ROR1: variants seen among roughly 807,000 people sequenced by gnomAD.
ROR1 encodes inactive tyrosine-protein kinase transmembrane receptor ROR1.
In ROR1, 19 loss-of-function variants were observed where a neutral mutation model predicts 78.8. That is an observed-to-expected ratio of 0.24 (90% CI 0.17 to 0.35). The LOEUF (loss-of-function observed/expected upper bound fraction) is 0.35. Ranked by LOEUF, ROR1 falls within the 10% of genes least tolerant of loss-of-function variation. ROR1 has a pLI of 1.00. For missense variants in ROR1, 917 were observed against 1,177.8 expected (o/e 0.78, Z 3.24); for synonymous variants, 386 against 433.6 (o/e 0.89, Z 1.36).
At chr1:64,054,976 G>T (rs758041426) in intron 4 of ROR1, among the ~76,000 whole-genome samples, 19 of 152,110 alleles carry the variant, frequency 1.2e-4, no homozygotes, top group Non-Finnish European at 2.6e-4. Context: ...CTTCCTATAT[G>T]TGTAGCCCTT....
chr1:63,882,887 T>C (rs1447423713), intron 1 of ROR1, among the ~76,000 whole-genome samples: 1 of 151,824 alleles, frequency 6.6e-6, no homozygotes, highest in African/African-American at 2.4e-5. Flanking sequence ...GATATTTTGG[T>C]TGATGATTTT....
chr1:64,087,794 T>G (rs1242481137), intron 4 of ROR1, among the ~76,000 whole-genome samples: 1 of 152,236 alleles, frequency 6.6e-6, no homozygotes, highest in African/African-American at 2.4e-5. Flanking sequence ...CTTTTGGAAC[T>G]TTCATCAGTC....
chr1:63,960,644 T>A (rs957361399), intron 1 of ROR1, among the ~76,000 whole-genome samples: 1 of 152,206 alleles, frequency 6.6e-6, no homozygotes, highest in Non-Finnish European at 1.5e-5. Flanking sequence ...GCTTAAGTAA[T>A]TAACATTCCT....
chr1:63,937,587 C>G (rs747345830), intron 1 of ROR1, among the ~76,000 whole-genome samples: 4 of 152,064 alleles, frequency 2.6e-5, no homozygotes, highest in Non-Finnish European at 5.9e-5. Flanking sequence ...CTCTGGATAG[C>G]CATCTTGGGC....
intron 4 of ROR1, among the ~76,000 whole-genome samples, chr1:64,082,480 G>A (rs1219102199): frequency 1.3e-5 from 2 of 152,174 alleles, no homozygotes; most frequent in Non-Finnish European, 2.9e-5. Context: ...GTGGGGAAGA[G>A]GTTAGGCTTA....
At chr1:63,880,264 G>A (rs1174253460) in intron 1 of ROR1, among the ~76,000 whole-genome samples, 1 of 152,150 alleles carries the variant, frequency 6.6e-6, no homozygotes, top group Non-Finnish European at 1.5e-5. Context: ...AGAATGCCAA[G>A]GAATTAATAA....
intron 1 of ROR1, among the ~76,000 whole-genome samples, chr1:63,891,590 C>T (rs1355768900): frequency 6.6e-6 from 1 of 152,068 alleles, no homozygotes; most frequent in Non-Finnish European, 1.5e-5. Context: ...GTGAAGATTT[C>T]CAGAAGAAAT....
chr1:63,783,617 A>G (rs632015), intron 1 of ROR1, among the ~76,000 whole-genome samples: 13,216 of 152,226 alleles, frequency 0.087, 626 homozygotes, highest in Non-Finnish European at 0.11. Flanking sequence ...ACCATGCCCA[A>G]AGCAGAATCC....
At chr1:64,066,636 T>G (rs572196993) in intron 4 of ROR1, 1 of 152,412 alleles carries the variant, frequency 6.6e-6, no homozygotes, top group African/African-American at 2.4e-5. Flanking sequence ...TAAGCCACAT[T>G]TTTTAAAGGC....
chr1:63,897,973 GAC>G (rs1645453225), intron 1 of ROR1, among the ~76,000 whole-genome samples: 1 of 152,186 alleles, frequency 6.6e-6, no homozygotes, highest in Non-Finnish European at 1.5e-5. Context: ...CCAGCCAGGA[GAC>G]AGAGGAGAGG....
intron 1 of ROR1, among the ~76,000 whole-genome samples, chr1:63,940,216 A>G (rs1371449124): frequency 6.6e-6 from 1 of 152,080 alleles, no homozygotes; most frequent in Non-Finnish European, 1.5e-5. Flanking sequence ...GGGGTCCTCA[A>G]GTAAAAAGGC....
Position 64,092,705 on chromosome 1 carries a change from G to A in ROR1, c.482+41989G>A, listed in dbSNP as rs984852191. Among the ~76,000 whole-genome samples, 9 of 152,190 alleles carry A rather than the reference G, an allele frequency of 5.9e-5. 1 individual carries two copies. Among genetic ancestry groups the A allele is most frequent in the African/African-American group, 2.2e-4 (9 of 41,438 alleles). ...AACTACCAGACTGGATTATCTTTAA[G>A]GTGCCTTCCAGCATACCTGACTTCA... is the stretch of plus-strand genomic sequence containing the variant. On this transcript the variant is annotated intron_variant, in intron 4 of 8. Coordinates refer to ENST00000371079, the MANE Select transcript of ROR1 (RefSeq NM_005012.4).
chr1:63,958,706 C>T (rs1381937998), intron 1 of ROR1, among the ~76,000 whole-genome samples: 4 of 152,126 alleles, frequency 2.6e-5, no homozygotes, highest in African/African-American at 9.7e-5. Context: ...ACACCTATGT[C>T]CGTAGTATGT....
intron 1 of ROR1, among the ~76,000 whole-genome samples, chr1:63,903,015 C>G (rs1323096802): frequency 6.6e-6 from 1 of 152,124 alleles, no homozygotes; most frequent in African/African-American, 2.4e-5. Context: ...GCTCAGAAAC[C>G]CTACCTAGTC....
rs1037454221 is a variant in ROR1 at position 63,985,420 on chromosome 1, G to A, written c.92-23885G>A. On this transcript the variant is annotated intron_variant, in intron 1 of 8. Transcript: ENST00000371079. ...AGGAACCTAATCCAAATGTTAATTC[G>A]AATTTCCAAATCACCACCGATTGCC... Among the ~76,000 whole-genome samples, 8 of 152,030 alleles carry A rather than the reference G, an allele frequency of 5.3e-5. No homozygotes were observed. In the South Asian group the frequency reaches 1.5e-3, roughly 28 times the overall value.
intron 1 of ROR1, among the ~76,000 whole-genome samples, chr1:63,955,067 G>A (rs1645970278): frequency 6.6e-6 from 1 of 152,256 alleles, no homozygotes; most frequent in African/African-American, 2.4e-5. Context: ...ATTGGGTGGT[G>A]ACAAGCAAAG....
intron 4 of ROR1, among the ~76,000 whole-genome samples, chr1:64,093,925 A>G (rs1647231268): frequency 6.6e-6 from 1 of 152,176 alleles, no homozygotes; most frequent in African/African-American, 2.4e-5. Flanking sequence ...CAAGGTGGGC[A>G]TTATTATTAT....
chr1:63,786,628 G>T lies in ROR1; in HGVS notation c.91+12120G>T, dbSNP rs1222826201. The stretch of plus-strand genomic sequence containing the variant: ...TGTCAGATTTGATGGTTGTGTTGGG[G>T]TTAAAACTATGTAGATAAGGTGGTC... On this transcript the variant is annotated intron_variant, in intron 1 of 8. Coordinates refer to ENST00000371079, the MANE Select transcript of ROR1 (RefSeq NM_005012.4). Among the ~76,000 whole-genome samples the T allele has an allele frequency of 2.0e-5, 3 of 150,344 alleles. No homozygotes were observed. In the East Asian group the frequency reaches 5.9e-4, roughly 29 times the overall value.
chr1:64,142,952 A>G (rs1169531151), intron 7 of ROR1: 2 of 1,179,416 alleles, frequency 1.7e-6, no homozygotes, highest in Non-Finnish European at 2.1e-6. Flanking sequence ...TTATAGAAAA[A>G]GATGTTACCC....
Sources: gnomAD v4.1 joint callset for allele counts (sites outside exome capture counted in the v4.1 genomes callset) on GRCh38, gnomAD v4.1.1 for gene constraint, MANE v1.5 for transcripts, NCBI Gene and HGNC (gene_info 2026-07-23, HGNC 2026-07-21) for gene names.